NSMCE3: variants seen among roughly 807,000 people sequenced by gnomAD.
NSMCE3 encodes the protein non-structural maintenance of chromosomes element 3 homolog.
For synonymous variants in NSMCE3, 214 were observed against 172.2 expected, an observed-to-expected ratio of 1.24 and a Z score of -1.90; for missense variants, 452 against 399.5, an observed-to-expected ratio of 1.13 and a Z score of -1.12.
At position 29,269,372 on chromosome 15, in the gene NSMCE3, G is replaced by A. The variant is rs2043556269; in HGVS notation, c.334C>T (p.Leu112=). 1 of 1,614,212 alleles carries A rather than the reference G, an allele frequency of 6.2e-7. No individual in the cohort carries two copies. The highest frequency in any genetic ancestry group is 8.5e-7 in the Non-Finnish European group (1 of 1,180,038). ...KKIPIKRADI[L]KHVIGDYKDI... is the part of the protein sequence containing the mutation. The stretch of plus-strand genomic sequence containing the variant: ...TTGTAGTCCCCGATGACGTGCTTCA[G>A]TATGTCGGCCCGCTTGATCGGAATC... The change falls in exon 1 of 1, where the codon CTG becomes TTG. Residue 112 remains leucine, a synonymous_variant. Transcript: ENST00000332303.
In NSMCE3 at chr15:29,267,739, A is replaced by T. The variant is rs769147501; in HGVS notation, c.*1052T>A. 21 of 152,246 alleles carry T rather than the reference A, an allele frequency of 1.4e-4. No homozygotes were observed. The highest frequency in any genetic ancestry group is 2.1e-4 in the Non-Finnish European group (14 of 68,048). The allele number at this position is 152,246 out of a possible 1,614,324, so 9.4% of individuals were successfully genotyped here. Reference sequence around the variant, plus strand: ...AAAAAGATAAAGAAAAGTTATATTTAAAAAGTGGCAGCTCCAGACCAAGGA... The same window carrying T: ...AAAAAGATAAAGAAAAGTTATATTTTAAAAGTGGCAGCTCCAGACCAAGGA... On this transcript the variant is annotated 3_prime_UTR_variant, in exon 1 of 1. Transcript: ENST00000332303.
rs1260423680 is a variant in NSMCE3, at chr15:29,269,468, T to C, written c.238A>G (p.Arg80Gly). The change falls in exon 1 of 1, where the codon AGG (arginine) becomes GGG (glycine). Residue 80 changes from arginine to glycine, a missense_variant. Coordinates refer to ENST00000332303, the MANE Select transcript of NSMCE3 (RefSeq NM_138704.4). ...TTCAGCTCCAGCTGCTTCTGGCTCC[T>C]GGGCCCCACGGCGGGGGCGGCCTGG... is the stretch of plus-strand genomic sequence containing the variant. The part of the protein sequence containing the change: ...RAQAAPAVGP[R>G]SQKQLELKVS... 3 of 1,612,944 alleles carry C rather than the reference T, an allele frequency of 1.9e-6. No homozygotes were observed. The highest frequency in any genetic ancestry group is 1.1e-5 in the South Asian group (1 of 91,044).
In NSMCE3 at chr15:29,269,247, G is replaced by A. The variant is rs781307917; in HGVS notation, c.459C>T (p.Ile153=). Residue 153 remains isoleucine, a synonymous_variant, in exon 1 of 1, where the codon ATC becomes ATT. Coordinates refer to ENST00000332303, the MANE Select transcript of NSMCE3 (RefSeq NM_138704.4). ...CCACAGGCTCCAGGGTGTTGATGAG[G>A]ATGTAAGTGTTGCTCTTGGGTTCAA... ...VELEPKSNTY[I]LINTLEPVEE... 4 of 1,614,168 alleles carry A rather than the reference G, an allele frequency of 2.5e-6. No homozygotes were observed. The highest frequency in any genetic ancestry group is 1.1e-5 in the South Asian group (1 of 91,080).
rs544984145 is a variant in NSMCE3 at position 29,269,754 on chromosome 15, G to A, written c.-49C>T. On this transcript the variant is annotated 5_prime_UTR_variant, in exon 1 of 1. Coordinates refer to ENST00000332303, the MANE Select transcript of NSMCE3 (RefSeq NM_138704.4). The stretch of plus-strand genomic sequence containing the variant: ...CACACTCCGGTAGGCAAGCAGCCGC[G>A]GCGGGGATTGCGGGTCGGCGACCCG... 3.1e-5 allele frequency: 44 copies of A among 1,417,376 alleles called. No individual in the cohort carries two copies. Among genetic ancestry groups the A allele is most frequent in the Non-Finnish European group, 3.9e-5 (43 of 1,089,562 alleles). 87.8% of individuals were successfully genotyped at this position (1,417,376 alleles called of 1,614,324 possible). A position where few individuals can be genotyped will look rare whatever the true frequency, so the allele number is the denominator to read the frequency against.
chr15:29,268,137 A>AAC lies in NSMCE3; in HGVS notation c.*652_*653dup, dbSNP rs1567116067. 1 of 152,220 alleles carries AAC rather than the reference A, an allele frequency of 6.6e-6. No individual in the cohort carries two copies. The allele number at this position is 152,220 out of a possible 1,614,324, so 9.4% of individuals were successfully genotyped here. A position where few individuals can be genotyped will look rare whatever the true frequency, so the allele number is the denominator to read the frequency against. ...TTCTCTCATGACCCACGATTTAAAAAACACACAATGCTTAAGTGCTTCAAA... is the reference window on the plus strand; with the variant it reads ...TTCTCTCATGACCCACGATTTAAAAAACACACACAATGCTTAAGTGCTTCAAA... On this transcript the variant is annotated 3_prime_UTR_variant, in exon 1 of 1. Coordinates refer to ENST00000332303, the MANE Select transcript of NSMCE3 (RefSeq NM_138704.4).
Position 29,269,331 on chromosome 15 carries a change from G to C in NSMCE3, c.375C>G (p.Asp125Glu). The C allele has an allele frequency of 6.2e-7, 1 of 1,614,196 alleles. No individual in the cohort carries two copies. Among genetic ancestry groups the C allele is most frequent in the Non-Finnish European group, 8.5e-7 (1 of 1,180,038 alleles). Residue 125 changes from aspartate (D) to glutamate (E), a missense_variant, in exon 1 of 1, where the codon GAC becomes GAG. Asp to Glu is a conservative substitution (Grantham distance 45). Coordinates refer to ENST00000332303, the MANE Select transcript of NSMCE3 (RefSeq NM_138704.4). ...GGCGCTCGGCGGCCCGTTTGAAGAG[G>C]TCGGGGAAGATGTCCTTGTAGTCCC... ...VIGDYKDIFP[D>E]LFKRAAERLQ...
At position 29,269,791 on chromosome 15, in the gene NSMCE3, G is replaced by A. The variant is rs574534973; in HGVS notation, c.-86C>T. The A allele has an allele frequency of 3.8e-4, 476 of 1,255,304 alleles. No homozygotes were observed. The highest frequency in any genetic ancestry group is 2.9e-3 in the Middle Eastern group (11 of 3,822). 77.8% of individuals were successfully genotyped at this position (1,255,304 alleles called of 1,614,324 possible). ...GGGTCGGCGACCCGCTAACGCCGGT[G>A]CCTGGAGGCGCGCGCAGTGTCGGCT... On this transcript the variant is annotated 5_prime_UTR_variant, in exon 1 of 1. Transcript: ENST00000332303.
rs920508322 is a variant in NSMCE3, at chr15:29,269,350, T to C, written c.356A>G (p.Tyr119Cys). ...GAAGAGGTCGGGGAAGATGTCCTTG[T>C]AGTCCCCGATGACGTGCTTCAGTAT... ...ADILKHVIGD[Y>C]KDIFPDLFKR... The change falls in exon 1 of 1, where the codon TAC (tyrosine) becomes TGC (cysteine). Residue 119 changes from tyrosine to cysteine, a missense_variant. Physicochemically the swap from Tyr to Cys is radical, Grantham distance 194. Transcript: ENST00000332303. 3.7e-6 allele frequency: 6 copies of C among 1,614,080 alleles called. No homozygotes were observed. Among genetic ancestry groups the C allele is most frequent in the Non-Finnish European group, 4.2e-6 (5 of 1,180,034 alleles).
Position 29,269,674 on chromosome 15 carries a change from G to A in NSMCE3, c.32C>T (p.Ser11Phe), listed in dbSNP as rs751152137. The A allele has an allele frequency of 5.8e-6, 9 of 1,558,262 alleles. 1 individual carries two copies. Among genetic ancestry groups the A allele is most frequent in the South Asian group, 3.5e-5 (3 of 85,018 alleles). ...TCTGTCCCTCTCGGCCTGGCCGCCA[G>A]AGCGGCCCCGGTTCCTCGGTTTTTG... The part of the protein sequence containing the change: MLQKPRNRGR[S>F]GGQAERDRDW... Residue 11 changes from serine to phenylalanine, a missense_variant, in exon 1 of 1, where the codon TCT (serine) becomes TTT (phenylalanine). Physicochemically the swap from Ser to Phe is radical, Grantham distance 155. Transcript: ENST00000332303.
At position 29,268,708 on chromosome 15, in the gene NSMCE3, G is replaced by A; in HGVS notation, c.*83C>T. On this transcript the variant is annotated 3_prime_UTR_variant, in exon 1 of 1. Transcript: ENST00000332303. ...GCGTTTACAGCAATATGCTCCCTGGGTTCGTTCTCCCTTCCCCCAATCCTC... is the reference window on the plus strand; with the variant it reads ...GCGTTTACAGCAATATGCTCCCTGGATTCGTTCTCCCTTCCCCCAATCCTC... 1 of 1,402,984 alleles carries A rather than the reference G, an allele frequency of 7.1e-7. No homozygotes were observed. Among genetic ancestry groups the A allele is most frequent in the Non-Finnish European group, 9.7e-7 (1 of 1,033,846 alleles). The allele number at this position is 1,402,984 out of a possible 1,614,324, so 86.9% of individuals were successfully genotyped here.
rs1214538643 is a variant in NSMCE3 at position 29,269,426 on chromosome 15, G to A, written c.280C>T (p.Gln94Ter). 12 of 1,613,988 alleles carry A rather than the reference G, an allele frequency of 7.4e-6. No homozygotes were observed. The highest frequency in any genetic ancestry group is 1.0e-5 in the Non-Finnish European group (12 of 1,180,030). ...QLELKVSELV[Q>*]FLLIKDQKKI... ...TTCTGGTCTTTAATCAGCAAGAACT[G>A]CACCAGCTCGGACACTTTCAGCTCC... The change falls in exon 1 of 1, where the codon CAG becomes TAG. Residue 94 changes from glutamine (Q) to a stop codon, truncating the protein, a stop_gained. Transcript: ENST00000332303. LOFTEE classifies it low-confidence loss of function (END_TRUNC).
In NSMCE3 at chr15:29,268,903, G is replaced by C; in HGVS notation, c.803C>G (p.Ala268Gly). ...TSKMKVLKFV[A>G]KVHNQDPKDW... is the part of the protein sequence containing the mutation. ...CTTGGGGTCTTGATTATGGACCTTG[G>C]CCACAAACTTAAGAACTTTCATCTT... Residue 268 changes from alanine (A) to glycine (G), a missense_variant, in exon 1 of 1, where the codon GCC becomes GGC. Coordinates refer to ENST00000332303, the MANE Select transcript of NSMCE3 (RefSeq NM_138704.4). 1 of 1,614,156 alleles carries C rather than the reference G, an allele frequency of 6.2e-7. No homozygotes were observed. Among genetic ancestry groups the C allele is most frequent in the Non-Finnish European group, 8.5e-7 (1 of 1,180,034 alleles).
At position 29,269,711 on chromosome 15, in the gene NSMCE3, C is replaced by T. The variant is rs769634209; in HGVS notation, c.-6G>A. 2.0e-6 allele frequency: 3 copies of T among 1,519,970 alleles called. No individual in the cohort carries two copies. The highest frequency in any genetic ancestry group is 1.3e-5 in the South Asian group (1 of 78,720). 94.2% of individuals were successfully genotyped at this position (1,519,970 alleles called of 1,614,324 possible). A position where few individuals can be genotyped will look rare whatever the true frequency, so the allele number is the denominator to read the frequency against. On this transcript the variant is annotated 5_prime_UTR_variant, in exon 1 of 1. Coordinates refer to ENST00000332303, the MANE Select transcript of NSMCE3 (RefSeq NM_138704.4). Reference sequence around the variant, plus strand: ...TTCCTCGGTTTTTGCAACATGTCTCCGGCGGCAGGTGCCGGCGCACACTCC... The same window carrying T: ...TTCCTCGGTTTTTGCAACATGTCTCTGGCGGCAGGTGCCGGCGCACACTCC...
At position 29,266,167 on chromosome 15, in the gene NSMCE3, G is replaced by C. The variant is rs1596141893; in HGVS notation, c.*2624C>G. On this transcript the variant is annotated 3_prime_UTR_variant, in exon 1 of 1. Transcript: ENST00000332303. Reference sequence around the variant, plus strand: ...GACATGAAATCTGACACTCAAAAAGGAGTGAGAGCAAAAGATAGGCAGATA... The same window carrying C: ...GACATGAAATCTGACACTCAAAAAGCAGTGAGAGCAAAAGATAGGCAGATA... 1.3e-5 allele frequency: 2 copies of C among 152,142 alleles called. No homozygotes were observed. Among genetic ancestry groups the C allele is most frequent in the Non-Finnish European group, 2.9e-5 (2 of 68,026 alleles). 9.4% of individuals were successfully genotyped at this position (152,142 alleles called of 1,614,324 possible).
chr15:29,269,715 G>A lies in NSMCE3; in HGVS notation c.-10C>T, dbSNP rs1224005051. The stretch of plus-strand genomic sequence containing the variant: ...TCGGTTTTTGCAACATGTCTCCGGC[G>A]GCAGGTGCCGGCGCACACTCCGGTA... On this transcript the variant is annotated 5_prime_UTR_variant, in exon 1 of 1. Transcript: ENST00000332303. 6.6e-7 allele frequency: 1 copy of A among 1,509,540 alleles called. No homozygotes were observed. 93.5% of individuals were successfully genotyped at this position (1,509,540 alleles called of 1,614,324 possible).
chr15:29,269,343 G>A lies in NSMCE3; in HGVS notation c.363C>T (p.Asp121=), dbSNP rs778075945. 18 of 1,614,094 alleles carry A rather than the reference G, an allele frequency of 1.1e-5. No individual in the cohort carries two copies. Among genetic ancestry groups the A allele is most frequent in the African/African-American group, 6.7e-5 (5 of 74,948 alleles). The part of the protein sequence containing the change: ...ILKHVIGDYK[D]IFPDLFKRAA... ...CCCGTTTGAAGAGGTCGGGGAAGAT[G>A]TCCTTGTAGTCCCCGATGACGTGCT... Residue 121 remains aspartate (D), a synonymous_variant, in exon 1 of 1, where the codon GAC becomes GAT. Transcript: ENST00000332303.
rs761763054 is a variant in NSMCE3, at chr15:29,268,756, G to C, written c.*35C>G. 1 of 1,563,868 alleles carries C rather than the reference G, an allele frequency of 6.4e-7. No individual in the cohort carries two copies. The highest frequency in any genetic ancestry group is 1.7e-4 in the Middle Eastern group (1 of 5,782). On this transcript the variant is annotated 3_prime_UTR_variant, in exon 1 of 1. Transcript: ENST00000332303. The stretch of plus-strand genomic sequence containing the variant: ...CTCTAAACTGTGCCTTTGGGTCTCA[G>C]ACCCTTGTCCCGGGGGTCCCTCTGA...
chr15:29,268,428 T>C lies in NSMCE3; in HGVS notation c.*363A>G, dbSNP rs145402779. 3,172 of 230,302 alleles carry C rather than the reference T, an allele frequency of 0.014. 109 individuals are homozygous for C. Among genetic ancestry groups the C allele is most frequent in the African/African-American group, 0.069 (2,971 of 42,760 alleles). 14.3% of individuals were successfully genotyped at this position (230,302 alleles called of 1,614,324 possible). On this transcript the variant is annotated 3_prime_UTR_variant, in exon 1 of 1. Transcript: ENST00000332303. ...ATTTTTCCTTACAAACTGGGGTAGT[T>C]AGGAGACCTGATAATAGCTTTTTTA...
Position 29,269,026 on chromosome 15 carries a change from A to G in NSMCE3, c.680T>C (p.Phe227Ser). The G allele has an allele frequency of 6.2e-7, 1 of 1,614,002 alleles. No individual in the cohort carries two copies. The highest frequency in any genetic ancestry group is 8.5e-7 in the Non-Finnish European group (1 of 1,180,016). ...GDPKKLITEDFVRQRYLEYRR... is the reference protein window; with the variant it reads ...GDPKKLITEDSVRQRYLEYRR... The stretch of plus-strand genomic sequence containing the variant: ...GTATTCCAGGTAACGCTGTCGCACA[A>G]AGTCCTCAGTAATGAGTTTCTTTGG... Residue 227 changes from phenylalanine (F) to serine (S), a missense_variant, in exon 1 of 1, where the codon TTT becomes TCT. Transcript: ENST00000332303.
Sources: gnomAD v4.1 joint callset for allele counts on GRCh38, gnomAD v4.1.1 for gene constraint, MANE v1.5 for transcripts, NCBI Gene and HGNC (gene_info 2026-07-23, HGNC 2026-07-21) for gene names.